Variants in NAALADL2 observed in about 807,000 individuals in gnomAD.
The protein encoded by NAALADL2 is inactive N-acetylated-alpha-linked acidic dipeptidase-like protein 2.
In NAALADL2, 76 loss-of-function variants were observed where a neutral mutation model predicts 87.2. The observed-to-expected ratio is 0.87, with a 90% CI of 0.72 to 1.05. NAALADL2 has a LOEUF of 1.05. Among genes scored for constraint, NAALADL2 ranks in the 50% least tolerant of loss-of-function variants. The pLI is 0.00. For synonymous variants in NAALADL2, 354 were observed against 331.0 expected (o/e 1.07, Z -0.75); for missense variants, 1,089 against 945.8 (o/e 1.15, Z -1.99).
intron 10 of NAALADL2, among the ~76,000 whole-genome samples, chr3:175,584,808 T>TA (rs1720307041): frequency 6.6e-6 from 1 of 152,206 alleles, no homozygotes; most frequent in African/African-American, 2.4e-5. Context: ...TACACATGTA[T>TA]AGGGCACTTA....
intron 1 of NAALADL2, among the ~76,000 whole-genome samples, chr3:174,508,199 C>T (rs545695104): frequency 2.1e-5 from 3 of 145,268 alleles, no homozygotes; most frequent in East Asian, 2.2e-4. Flanking sequence ...CTGCAAGCTC[C>T]GCCTCCCGGG....
chr3:174,922,707 A>C (rs1017518626), intron 1 of NAALADL2, among the ~76,000 whole-genome samples: 11 of 152,282 alleles, frequency 7.2e-5, no homozygotes, highest in African/African-American at 2.6e-4. Context: ...TATTTTGTAG[A>C]AAACCCCTCA....
At chr3:174,578,067 G>A (rs893414883) in intron 2 of NAALADL2, among the ~76,000 whole-genome samples, 3 of 151,882 alleles carry the variant, frequency 2.0e-5, no homozygotes. Context: ...AAATCAATAG[G>A]AATTATTCAA....
intron 10 of NAALADL2, among the ~76,000 whole-genome samples, chr3:175,600,642 A>G (rs1009627223): frequency 1.4e-5 from 2 of 138,218 alleles, no homozygotes; most frequent in Non-Finnish European, 3.0e-5. Context: ...GGTTCACGCC[A>G]TTCTCCTGCC....
chr3:174,805,599 G>A (rs1459876807), intron 3 of NAALADL2, among the ~76,000 whole-genome samples: 3 of 152,022 alleles, frequency 2.0e-5, no homozygotes, highest in Non-Finnish European at 4.4e-5. Flanking sequence ...ATTCTATTTT[G>A]TGAAGTCTCT....
chr3:174,887,810 T>G (rs1287564502), intron 1 of NAALADL2, among the ~76,000 whole-genome samples: 3 of 149,812 alleles, frequency 2.0e-5, no homozygotes, highest in Non-Finnish European at 3.0e-5. Context: ...AAATTATTTT[T>G]GCTTGAGCAT....
chr3:174,702,160 C>A (rs931742357), intron 2 of NAALADL2, among the ~76,000 whole-genome samples: 4 of 151,990 alleles, frequency 2.6e-5, no homozygotes, highest in African/African-American at 9.7e-5. Flanking sequence ...ATTTTTATTT[C>A]TTTATTCACT....
chr3:174,947,039 T>A (rs1739530561), intron 1 of NAALADL2, among the ~76,000 whole-genome samples: 1 of 152,272 alleles, frequency 6.6e-6, no homozygotes, highest in East Asian at 1.9e-4. Context: ...TCACCTCAGC[T>A]CAAAGCCATA....
chr3:175,654,753 G>T (rs75305476), intron 11 of NAALADL2, among the ~76,000 whole-genome samples: 2 of 152,182 alleles, frequency 1.3e-5, no homozygotes, highest in East Asian at 1.9e-4. Flanking sequence ...GAAGCCACAG[G>T]CTTCATTGTG....
chr3:174,503,259 A>G lies in NAALADL2; in HGVS notation c.-183-47310A>G, dbSNP rs1220697858. 2.0e-5 allele frequency among the ~76,000 whole-genome samples: 3 copies of G among 152,250 alleles called. No individual in the cohort carries two copies. The East Asian group carries it at 5.8e-4, about 29-fold the overall frequency. The stretch of plus-strand genomic sequence containing the variant: ...ATGCCTGAGTACTCTAATGTAGAAA[A>G]TGTCTGCCATGTTTCTGAATTTACA... On this transcript the variant is annotated intron_variant, in intron 1 of 3. Coordinates refer to the NAALADL2 transcript ENST00000434257.
chr3:174,902,171 AC>A (rs1166304977), intron 1 of NAALADL2, among the ~76,000 whole-genome samples: 3 of 152,092 alleles, frequency 2.0e-5, no homozygotes, highest in Non-Finnish European at 2.9e-5. Flanking sequence ...AAATAGCTAA[AC>A]CCTTTTGTCC....
Position 175,097,275 on chromosome 3 carries a change from A to T in NAALADL2, c.529A>T (p.Ile177Phe), listed in dbSNP as rs1388304206. The part of the protein sequence containing the change: ...EILKTIQAED[I>F]KKSFRNLVQL... ...TCTCAAGACAATCCAGGCAGAAGAT[A>T]TTAAGAAGTCTTTCAGGTAGGTGAA... Residue 177 changes from isoleucine to phenylalanine, a missense_variant, in exon 2 of 14, where the codon ATT becomes TTT. By Grantham distance (21) the Ile-to-Phe change is conservative (BLOSUM62 0). Coordinates refer to ENST00000454872, the MANE Select transcript of NAALADL2 (RefSeq NM_207015.3). The T allele has an allele frequency of 1.9e-6, 3 of 1,608,006 alleles. No individual in the cohort carries two copies. The highest frequency in any genetic ancestry group is 3.4e-5 in the Admixed American group (2 of 59,152).
At chr3:174,710,380 G>T (rs956993871) in intron 2 of NAALADL2, among the ~76,000 whole-genome samples, 4 of 151,744 alleles carry the variant, frequency 2.6e-5, no homozygotes, top group African/African-American at 9.7e-5. Flanking sequence ...TCAGCCTTCG[G>T]AGTAGCTGGG....
chr3:175,674,083 C>T (rs1411821775), intron 11 of NAALADL2, among the ~76,000 whole-genome samples: 3 of 152,016 alleles, frequency 2.0e-5, no homozygotes, highest in Non-Finnish European at 4.4e-5. Context: ...AATTTGATAG[C>T]ATTCATTAAC....
rs561827647 is a variant in NAALADL2, at chr3:175,652,038, G to A, written c.1896+24652G>A. Among the ~76,000 whole-genome samples the A allele has an allele frequency of 1.4e-4, 22 of 152,274 alleles. No homozygotes were observed. In the East Asian group the frequency reaches 3.5e-3, roughly 24 times the overall value. On this transcript the variant is annotated intron_variant, in intron 11 of 13. Coordinates refer to ENST00000454872, the MANE Select transcript of NAALADL2 (RefSeq NM_207015.3). ...TGGTACACGAGCAGACACAGTGAAA[G>A]GAGATACTGTACATCAAATTTCTAT... is the stretch of plus-strand genomic sequence containing the variant.
At chr3:174,560,698 C>A (rs1264671330) in intron 2 of NAALADL2, among the ~76,000 whole-genome samples, 1 of 152,008 alleles carries the variant, frequency 6.6e-6, no homozygotes, top group African/African-American at 2.4e-5. Flanking sequence ...CTGTTAGAGA[C>A]TTTATTTATT....
At chr3:175,536,089 G>A (rs75018766) in intron 9 of NAALADL2, among the ~76,000 whole-genome samples, 1 of 152,162 alleles carries the variant, frequency 6.6e-6, no homozygotes, top group African/African-American at 2.4e-5. Context: ...AAACCAGGCA[G>A]ATTTTAGATT....
intron 5 of NAALADL2, among the ~76,000 whole-genome samples, chr3:175,445,196 C>T (rs563918148): frequency 6.6e-6 from 1 of 152,206 alleles, no homozygotes; most frequent in Admixed American, 6.5e-5. Context: ...AATAAGTATT[C>T]GTTATTTCCT....
At chr3:175,624,330 G>A (rs916197410) in intron 10 of NAALADL2, among the ~76,000 whole-genome samples, 6 of 151,856 alleles carry the variant, frequency 4.0e-5, no homozygotes, top group African/African-American at 1.5e-4. Flanking sequence ...ATTCCTAAAT[G>A]GATTCTTCTT....
Sources: allele counts gnomAD v4.1 joint callset (sites outside exome capture counted in the v4.1 genomes callset), GRCh38; gene constraint gnomAD v4.1.1; transcripts MANE v1.5; gene names NCBI Gene and HGNC (gene_info 2026-07-23, HGNC 2026-07-21).